SAXO1: variants seen among roughly 807,000 people sequenced by gnomAD.
SAXO1 encodes 4930500O09Rik.
Under a neutral mutation model 17.5 loss-of-function variants are expected in SAXO1, and 21 were observed. That is an observed-to-expected ratio of 1.20 (90% CI 0.85 to 1.72). SAXO1 has a LOEUF of 1.72. Among genes scored for constraint, SAXO1 ranks in the 40% most tolerant of loss-of-function variants. The pLI is 0.00. For synonymous variants in SAXO1, 274 were observed against 216.5 expected, an observed-to-expected ratio of 1.27 and a Z score of -2.33; for missense variants, 843 against 596.0, an observed-to-expected ratio of 1.41 and a Z score of -4.32.
chr9:18,933,544 G>A (rs896064052), intron 3 of SAXO1, among the ~76,000 whole-genome samples: 11 of 152,232 alleles, frequency 7.2e-5, no homozygotes, highest in Admixed American at 1.3e-4. Flanking sequence ...CTTTTAGCCT[G>A]AAGGATTTCC....
chr9:18,981,473 C>A (rs1337746159), intron 1 of SAXO1, among the ~76,000 whole-genome samples: 1 of 152,188 alleles, frequency 6.6e-6, no homozygotes, highest in African/African-American at 2.4e-5. Flanking sequence ...CTGAGCAGAT[C>A]CTCTGGGTAA....
chr9:18,969,643 A>G (rs1832869520), intron 1 of SAXO1, among the ~76,000 whole-genome samples: 1 of 152,258 alleles, frequency 6.6e-6, no homozygotes, highest in Non-Finnish European at 1.5e-5. Flanking sequence ...GAAAGGGGGT[A>G]TCTTGTTCAC....
chr9:18,969,088 T>G (rs928056728), intron 1 of SAXO1, among the ~76,000 whole-genome samples: 2 of 151,982 alleles, frequency 1.3e-5, no homozygotes, highest in Non-Finnish European at 2.9e-5. Context: ...TAAGGAAATA[T>G]GTATACAAAT....
At chr9:18,945,907 G>C (rs1213058233) in intron 2 of SAXO1, among the ~76,000 whole-genome samples, 4 of 152,168 alleles carry the variant, frequency 2.6e-5, no homozygotes, top group Admixed American at 6.5e-5. Context: ...CCAGCCTGAA[G>C]GTCAGCTCCA....
intron 1 of SAXO1, among the ~76,000 whole-genome samples, chr9:19,000,456 C>T (rs111582151): frequency 0.012 from 1,884 of 151,256 alleles, 42 homozygotes; most frequent in African/African-American, 0.043. Context: ...GCCGCCCCAC[C>T]GTCTGGGATG....
intron 1 of SAXO1, among the ~76,000 whole-genome samples, chr9:18,973,532 G>C (rs996148430): frequency 6.6e-6 from 1 of 152,222 alleles, no homozygotes; most frequent in Non-Finnish European, 1.5e-5. Flanking sequence ...AAACCCAGAC[G>C]TGTCTTGCCC....
rs200876249 is a variant in SAXO1 at position 18,934,839 on chromosome 9, C to T, written c.422-5784G>A. 3.9e-5 allele frequency among the ~76,000 whole-genome samples: 6 copies of T among 152,338 alleles called. No homozygotes were observed. The East Asian group carries it at 9.6e-4, about 24-fold the overall frequency. On this transcript the variant is annotated intron_variant, in intron 3 of 3. Coordinates refer to ENST00000380534, the MANE Select transcript of SAXO1 (RefSeq NM_153707.4). ...TTTACTTGTGTTTAGCTTACCTGCACTAATTCCATAGAGTCTTATCTTCCC... is the reference window on the plus strand; with the variant it reads ...TTTACTTGTGTTTAGCTTACCTGCATTAATTCCATAGAGTCTTATCTTCCC...
At chr9:18,974,673 C>G (rs1833066118) in intron 1 of SAXO1, among the ~76,000 whole-genome samples, 1 of 152,022 alleles carries the variant, frequency 6.6e-6, no homozygotes, top group African/African-American at 2.4e-5. Flanking sequence ...ACCCACTGAA[C>G]AAAACAGATC....
rs143383388 is a variant in SAXO1, at chr9:19,009,883, G to C, written c.38+22988C>G. ...GCTCTGTCACCCAGGCTAAAGTGCA[G>C]TGGCACCATCTCTGCTCACTGCAAC... On this transcript the variant is annotated intron_variant, in intron 1 of 3. Transcript: ENST00000380534. Among the ~76,000 whole-genome samples the C allele has an allele frequency of 9.4e-4, 142 of 150,862 alleles. 1 individual carries two copies. In the East Asian group the frequency reaches 0.026, roughly 27 times the overall value.
intron 1 of SAXO1, among the ~76,000 whole-genome samples, chr9:19,024,455 G>C (rs12348730): frequency 0.37 from 55,885 of 151,522 alleles, 11,180 homozygotes; most frequent in Non-Finnish European, 0.44. Context: ...GGTGGGGCGA[G>C]GGGGGGAGGG....
chr9:18,934,791 T>A (rs1831217974), intron 3 of SAXO1, among the ~76,000 whole-genome samples: 1 of 152,256 alleles, frequency 6.6e-6, no homozygotes, highest in Non-Finnish European at 1.5e-5. Context: ...AACTCTGGAT[T>A]CTGATCCCCA....
At chr9:18,966,028 A>T (rs7019951) in intron 1 of SAXO1, among the ~76,000 whole-genome samples, 27,768 of 152,078 alleles carry the variant, frequency 0.18, 5,345 homozygotes, top group African/African-American at 0.49. Flanking sequence ...GCTATGAAAT[A>T]CTGGGTTGAA....
In SAXO1 at chr9:19,033,069, G is replaced by T; in HGVS notation, c.-161C>A. 1 of 660,344 alleles carries T rather than the reference G, an allele frequency of 1.5e-6. No individual in the cohort carries two copies. Among genetic ancestry groups the T allele is most frequent in the Non-Finnish European group, 2.4e-6 (1 of 416,786 alleles). The allele number at this position is 660,344 out of a possible 1,614,324, so 40.9% of individuals were successfully genotyped here. A position where few individuals can be genotyped will look rare whatever the true frequency, so the allele number is the denominator to read the frequency against. ...TTAAGTGGCCCTTTTGCAATGTCCT[G>T]TCGTCTGTTGCCCTCCTGGAGCTGG... On this transcript the variant is annotated 5_prime_UTR_variant, in exon 1 of 4. Transcript: ENST00000380534.
chr9:18,982,255 C>T (rs1833419872), intron 1 of SAXO1, among the ~76,000 whole-genome samples: 1 of 152,214 alleles, frequency 6.6e-6, no homozygotes. Flanking sequence ...CCATTAGTCC[C>T]AGGCACCAAG....
chr9:19,005,475 C>T (rs890727111), intron 1 of SAXO1, among the ~76,000 whole-genome samples: 1 of 152,092 alleles, frequency 6.6e-6, no homozygotes, highest in Non-Finnish European at 1.5e-5. Context: ...TAAACCCTCA[C>T]ATATATGGTT....
intron 1 of SAXO1, among the ~76,000 whole-genome samples, chr9:19,016,747 A>G (rs985326623): frequency 8.5e-5 from 13 of 152,054 alleles, no homozygotes; most frequent in Admixed American, 6.5e-4. Context: ...AAATGTAAAC[A>G]AAAGTTATTA....
At chr9:19,028,555 T>A (rs1443894816) in intron 1 of SAXO1, among the ~76,000 whole-genome samples, 3 of 152,160 alleles carry the variant, frequency 2.0e-5, no homozygotes, top group Admixed American at 6.5e-5. Flanking sequence ...GTACATTAGT[T>A]TCAAAAAAAA....
At chr9:18,953,749 T>C (rs1340242626) in intron 1 of SAXO1, among the ~76,000 whole-genome samples, 1 of 151,872 alleles carries the variant, frequency 6.6e-6, no homozygotes, top group East Asian at 1.9e-4. Context: ...TCTTTTTGTT[T>C]TGGAAGCTAG....
chr9:19,026,647 A>G (rs1268233185), intron 1 of SAXO1, among the ~76,000 whole-genome samples: 1 of 152,218 alleles, frequency 6.6e-6, no homozygotes, highest in Non-Finnish European at 1.5e-5. Context: ...AATGCTTCCC[A>G]TGTTGAGGGA....
Sources: allele counts gnomAD v4.1 joint callset (sites outside exome capture counted in the v4.1 genomes callset), GRCh38; gene constraint gnomAD v4.1.1; transcripts MANE v1.5; gene names NCBI Gene and HGNC (gene_info 2026-07-23, HGNC 2026-07-21).